CRADD: variants seen among roughly 807,000 people sequenced by gnomAD.
CRADD encodes CARD and death domain containing adaptor protein.
In CRADD, 9 loss-of-function variants were observed where a neutral mutation model predicts 15.5. That is an observed-to-expected ratio of 0.58 (90% CI 0.35 to 1.01). The LOEUF (loss-of-function observed/expected upper bound fraction) is 1.01. Ranked by LOEUF, CRADD falls within the 50% of genes least tolerant of loss-of-function variation. The pLI, the probability that CRADD is intolerant of heterozygous loss-of-function variation, is 0.02. For synonymous variants in CRADD, 118 were observed against 107.6 expected (o/e 1.10, Z -0.60); for missense variants, 227 against 250.3 (o/e 0.91, Z 0.63).
In CRADD at chr12:93,881,446, G is replaced by C. The variant is rs927702321; in HGVS notation, c.299-12604G>C. Among the ~76,000 whole-genome samples the C allele has an allele frequency of 1.5e-4, 21 of 138,544 alleles. 1 individual carries two copies. Among genetic ancestry groups the C allele is most frequent in the African/African-American group, 3.3e-4 (13 of 39,756 alleles). The allele number at this position is 138,544 out of a possible 152,430, so 90.9% of individuals were successfully genotyped here. A position where few individuals can be genotyped will look rare whatever the true frequency, so the allele number is the denominator to read the frequency against. On this transcript the variant is annotated intron_variant, in intron 2 of 2. Transcript: ENST00000548483. Reference sequence around the variant, plus strand: ...GCTCTCAAAAAAAAAGTGTGGGGGGGGGGTGGGGATCAATCCTTTGCAGCT... The same window carrying C: ...GCTCTCAAAAAAAAAGTGTGGGGGGCGGGTGGGGATCAATCCTTTGCAGCT...
chr12:93,847,854 G>A (rs1565937980), intron 2 of CRADD, among the ~76,000 whole-genome samples: 3 of 152,152 alleles, frequency 2.0e-5, no homozygotes, highest in Admixed American at 1.3e-4. Flanking sequence ...ACTTTTTTCT[G>A]TGCATTAAAT....
chr12:93,741,898 C>G (rs904710267), intron 2 of CRADD, among the ~76,000 whole-genome samples: 1 of 152,152 alleles, frequency 6.6e-6, no homozygotes, highest in Admixed American at 6.5e-5. Flanking sequence ...CCAGAGACAG[C>G]AACCTCGGCT....
chr12:93,805,799 G>A (rs1957530648), intron 2 of CRADD, among the ~76,000 whole-genome samples: 1 of 152,134 alleles, frequency 6.6e-6, no homozygotes, highest in African/African-American at 2.4e-5. Context: ...ATGGAACAAT[G>A]TGTAGCAAAT....
At chr12:93,680,611 A>G (rs961665686) in intron 2 of CRADD, among the ~76,000 whole-genome samples, 24 of 152,352 alleles carry the variant, frequency 1.6e-4, no homozygotes, top group African/African-American at 5.3e-4. Flanking sequence ...TTGTCCTTAC[A>G]AAATTAAATA....
chr12:93,711,380 T>C (rs1453613547), intron 2 of CRADD, among the ~76,000 whole-genome samples: 1 of 152,098 alleles, frequency 6.6e-6, no homozygotes, highest in Non-Finnish European at 1.5e-5. Context: ...CTACAGTTGA[T>C]TTCCCACATA....
At chr12:93,760,091 C>T (rs1956934295) in intron 2 of CRADD, among the ~76,000 whole-genome samples, 1 of 151,810 alleles carries the variant, frequency 6.6e-6, no homozygotes, top group Non-Finnish European at 1.5e-5. Context: ...GTAGAAGCAG[C>T]ACAAAAGTAT....
At chr12:93,699,798 G>T (rs1955798549) in intron 2 of CRADD, among the ~76,000 whole-genome samples, 1 of 152,200 alleles carries the variant, frequency 6.6e-6, no homozygotes. Context: ...GTAGAGTGCT[G>T]TGGGCTCTAA....
intron 2 of CRADD, among the ~76,000 whole-genome samples, chr12:93,763,087 C>T (rs1956986671): frequency 1.3e-5 from 2 of 152,226 alleles, no homozygotes; most frequent in Admixed American, 1.3e-4. Context: ...TCTGTTTTCT[C>T]ACATCTCTGT....
intron 2 of CRADD, among the ~76,000 whole-genome samples, chr12:93,826,110 A>T (rs1333687497): frequency 3.3e-5 from 5 of 152,204 alleles, no homozygotes; most frequent in African/African-American, 1.2e-4. Context: ...GAAGCCAGAG[A>T]TATTCTTTGT....
At chr12:93,816,612 T>G (rs957562787) in intron 2 of CRADD, among the ~76,000 whole-genome samples, 1 of 152,218 alleles carries the variant, frequency 6.6e-6, no homozygotes, top group Non-Finnish European at 1.5e-5. Context: ...TAGAGCACAC[T>G]TCAATTCAGA....
chr12:93,764,106 C>A (rs2136953217), intron 2 of CRADD, among the ~76,000 whole-genome samples: 1 of 150,320 alleles, frequency 6.7e-6, no homozygotes, highest in East Asian at 2.0e-4. Context: ...TTTCAAAGGT[C>A]TTGTAAATCA....
chr12:93,762,429 T>C lies in CRADD; in HGVS notation c.298+83357T>C, dbSNP rs550168991. 2.0e-5 allele frequency among the ~76,000 whole-genome samples: 3 copies of C among 152,224 alleles called. No individual in the cohort carries two copies. The East Asian group carries it at 5.8e-4, about 29-fold the overall frequency. ...TTAGATGTAATTGGAAGCTAACTTA[T>C]AGAGATGAGGGCAGTAGACATTAAA... On this transcript the variant is annotated intron_variant, in intron 2 of 2. Coordinates refer to ENST00000332896, the MANE Select transcript of CRADD (RefSeq NM_003805.5).
chr12:93,828,466 T>G (rs933851390), intron 2 of CRADD, among the ~76,000 whole-genome samples: 1 of 152,240 alleles, frequency 6.6e-6, no homozygotes, highest in African/African-American at 2.4e-5. Flanking sequence ...CTATGATCCA[T>G]GTTGAATTAA....
intron 2 of CRADD, among the ~76,000 whole-genome samples, chr12:93,729,993 A>G (rs1444993501): frequency 6.6e-6 from 1 of 152,220 alleles, no homozygotes; most frequent in Non-Finnish European, 1.5e-5. Flanking sequence ...ATGAAAAGGT[A>G]ATTTGCAAGA....
chr12:93,695,008 A>T (rs963318466), intron 2 of CRADD, among the ~76,000 whole-genome samples: 3 of 152,248 alleles, frequency 2.0e-5, no homozygotes, highest in Admixed American at 6.5e-5. Context: ...TTGCCAAAGC[A>T]GTCTTGAGCA....
At chr12:93,889,772 A>G (rs1425574058) in intron 2 of CRADD, among the ~76,000 whole-genome samples, 1 of 152,232 alleles carries the variant, frequency 6.6e-6, no homozygotes, top group Non-Finnish European at 1.5e-5. Flanking sequence ...TAAATTGGGA[A>G]TGGGAGAAGA....
intron 2 of CRADD, among the ~76,000 whole-genome samples, chr12:93,892,880 A>T (rs1056964521): frequency 6.6e-6 from 1 of 152,172 alleles, no homozygotes; most frequent in Admixed American, 6.6e-5. Flanking sequence ...CCATGGGCCC[A>T]TTATGGAAAA....
intron 2 of CRADD, among the ~76,000 whole-genome samples, chr12:93,692,259 T>A (rs1244515818): frequency 2.6e-5 from 4 of 152,182 alleles, no homozygotes; most frequent in African/African-American, 9.7e-5. Context: ...AACATTTGAA[T>A]AATAGGAGTT....
intron 2 of CRADD, among the ~76,000 whole-genome samples, chr12:93,819,999 T>C (rs756992628): frequency 6.6e-6 from 1 of 152,222 alleles, no homozygotes; most frequent in Non-Finnish European, 1.5e-5. Context: ...TCATCTCTGC[T>C]TCCCATGTCT....
Sources: allele counts gnomAD v4.1 joint callset (sites outside exome capture counted in the v4.1 genomes callset), GRCh38; gene constraint gnomAD v4.1.1; transcripts MANE v1.5; gene names NCBI Gene and HGNC (gene_info 2026-07-23, HGNC 2026-07-21).